The following F9 variants were observed in gnomAD, a reference collection of about 807,000 sequenced individuals.
F9 encodes Christmas factor.
In F9, 2 loss-of-function variants were observed where a neutral mutation model predicts 34.1. The ratio of observed to expected loss-of-function variants is 0.06; its 90% CI spans 0.02 to 0.18. F9 has a LOEUF of 0.18. Ranked by LOEUF, F9 falls within the 10% of genes least tolerant of loss-of-function variation. The pLI is 1.00. For synonymous variants in F9, 137 were observed against 118.8 expected (o/e 1.15, Z -1.00); for missense variants, 216 against 345.1 (o/e 0.63, Z 2.96).
chrX:139,537,185 C>T lies in F9; in HGVS notation c.252+12C>T. ...ACACTGAAAGAACAGTGAGTATTTC[C>T]ACATAATACCCTTCAGATGCAGAGC... is the stretch of plus-strand genomic sequence containing the variant. On this transcript the variant is annotated intron_variant, in intron 2 of 7. Transcript: ENST00000218099. The T allele has an allele frequency of 8.3e-7, 1 of 1,204,920 alleles. No homozygotes were observed. The highest frequency in any genetic ancestry group is 1.1e-6 in the Non-Finnish European group (1 of 889,800).
chrX:139,535,574 A>G (rs376165), intron 1 of F9, among the ~76,000 whole-genome samples: 43,088 of 109,515 alleles, frequency 0.39, 6,694 homozygotes, highest in African/African-American at 0.54. Context: ...TTTGGAGTTA[A>G]TCAGGAAGTA....
intron 1 of F9, among the ~76,000 whole-genome samples, chrX:139,532,590 C>T (rs1927367722): frequency 9.0e-6 from 1 of 110,835 alleles, no homozygotes; most frequent in South Asian, 3.8e-4. Flanking sequence ...CAGCATGAGG[C>T]CAGGTGAGAG....
rs1603267412 is a variant in F9, at chrX:139,561,859, A to G, written c.1174A>G (p.Asn392Asp). Residue 392 changes from asparagine to aspartate, a missense_variant, in exon 8 of 8, where the codon AAC (asparagine) becomes GAC (aspartate). Physicochemically the swap from Asn to Asp is conservative, Grantham distance 23 (BLOSUM62 1). Coordinates refer to ENST00000218099, the MANE Select transcript of F9 (RefSeq NM_000133.4). ...TCGATCTACAAAGTTCACCATCTATAACAACATGTTCTGTGCTGGCTTCCA... is the reference window on the plus strand; with the variant it reads ...TCGATCTACAAAGTTCACCATCTATGACAACATGTTCTGTGCTGGCTTCCA... ...CLRSTKFTIYNNMFCAGFHEG... is the reference protein window; with the variant it reads ...CLRSTKFTIYDNMFCAGFHEG... 3.3e-6 allele frequency: 4 copies of G among 1,211,771 alleles called. No individual in the cohort carries two copies. The highest frequency in any genetic ancestry group is 4.5e-6 in the Non-Finnish European group (4 of 895,490).
chrX:139,536,486 G>A (rs1303763942), intron 1 of F9, among the ~76,000 whole-genome samples: 2 of 111,117 alleles, frequency 1.8e-5, no homozygotes, highest in Non-Finnish European at 3.8e-5. Flanking sequence ...CAAAGGTGCT[G>A]TTGATCTGAA....
intron 4 of F9, among the ~76,000 whole-genome samples, chrX:139,542,169 G>A (rs977098393): frequency 8.0e-5 from 9 of 111,909 alleles, no homozygotes; most frequent in Admixed American, 1.9e-4. Context: ...AGCTACACTC[G>A]TCCTATTGAG....
intron 1 of F9, among the ~76,000 whole-genome samples, chrX:139,536,628 C>G (rs1259280862): frequency 9.0e-6 from 1 of 111,678 alleles, no homozygotes; most frequent in Admixed American, 9.5e-5. Flanking sequence ...TTTGGGCAAC[C>G]ATATTCTGAA....
Position 139,560,836 on chromosome X carries a change from T to C in F9, c.819T>C (p.Val273=), listed in dbSNP as rs1800455. The C allele has an allele frequency of 1.6e-3, 1,925 of 1,198,637 alleles. 2 individuals carry two copies. Among genetic ancestry groups the C allele is most frequent in the Middle Eastern group, 2.1e-3 (9 of 4,319 alleles). The change falls in exon 7 of 8, where the codon GTT becomes GTC. Residue 273 remains valine, a synonymous_variant. Coordinates refer to ENST00000218099, the MANE Select transcript of F9 (RefSeq NM_000133.4). ...CTGCCCACTGTGTTGAAACTGGTGT[T>C]AAAATTACAGTTGTCGCAGGTAAAT... ...VTAAHCVETG[V]KITVVAGEHN... is the part of the protein sequence containing the mutation.
rs10549383 is a variant in F9 at position 139,548,590 on chromosome X, CTT to C, written c.520+102_520+103del. On this transcript the variant is annotated intron_variant, in intron 5 of 7. Coordinates refer to ENST00000218099, the MANE Select transcript of F9 (RefSeq NM_000133.4). ...TTTAATTCCTACTTGAATCTGCTTCCTTTTGAAATCATAGAAAATATCAGTAG... is the reference window on the plus strand; with the variant it reads ...TTTAATTCCTACTTGAATCTGCTTCCTTGAAATCATAGAAAATATCAGTAG... The C allele has an allele frequency of 2.0e-3, 1,837 of 897,473 alleles. 21 individuals carry two copies. In the African/African-American group the frequency reaches 0.032, roughly 16 times the overall value. The allele number at this position is 897,473 out of a possible 1,213,427, so 74.0% of individuals were successfully genotyped here.
At chrX:139,549,850 A>AAC (rs1366946810) in intron 5 of F9, among the ~76,000 whole-genome samples, 1 of 112,164 alleles carries the variant, frequency 8.9e-6, no homozygotes, top group Non-Finnish European at 1.9e-5. Context: ...AGAAGCTAGG[A>AAC]ATATATATCC....
intron 4 of F9, among the ~76,000 whole-genome samples, chrX:139,546,810 A>C (rs1460193327): frequency 2.7e-5 from 3 of 111,916 alleles, no homozygotes; most frequent in African/African-American, 9.7e-5. Flanking sequence ...AATTAAGGAA[A>C]ACCTAAATAA....
intron 3 of F9, among the ~76,000 whole-genome samples, chrX:139,540,800 C>T (rs753407588): frequency 1.3e-4 from 15 of 112,009 alleles, no homozygotes; most frequent in Admixed American, 1.2e-3. Flanking sequence ...TATACAAAAA[C>T]GTCCTTCTCC....
chrX:139,542,251 T>C (rs921143546), intron 4 of F9, among the ~76,000 whole-genome samples: 1 of 111,953 alleles, frequency 8.9e-6, no homozygotes, highest in Non-Finnish European at 1.9e-5. Flanking sequence ...ACCATCTTCC[T>C]TTAGTCTCGA....
At chrX:139,549,673 G>A (rs944691535) in intron 5 of F9, among the ~76,000 whole-genome samples, 5 of 112,160 alleles carry the variant, frequency 4.5e-5, no homozygotes, top group Non-Finnish European at 7.5e-5. Context: ...GCAGTTTTCC[G>A]CCCTGGGTGG....
rs779751981 is a variant in F9, at chrX:139,561,608, C to T, written c.923C>T (p.Ala308Val). 8.3e-7 allele frequency: 1 copy of T among 1,209,473 alleles called. No homozygotes were observed. The highest frequency in any genetic ancestry group is 1.1e-6 in the Non-Finnish European group (1 of 893,776). Residue 308 changes from alanine to valine, a missense_variant, in exon 8 of 8, where the codon GCT (alanine) becomes GTT (valine). Ala to Val is a moderately conservative substitution (Grantham distance 64). Transcript: ENST00000218099. ...RIIPHHNYNA[A>V]INKYNHDIAL... ...ATTCCTCACCACAACTACAATGCAG[C>T]TATTAATAAGTACAACCATGACATT... is the stretch of plus-strand genomic sequence containing the variant.
In F9 at chrX:139,563,038, C is replaced by G. The variant is rs1436594125; in HGVS notation, c.*967C>G. The G allele has an allele frequency of 9.4e-6, 1 of 106,470 alleles. No homozygotes were observed. Among genetic ancestry groups the G allele is most frequent in the African/African-American group, 3.4e-5 (1 of 29,246 alleles). 8.8% of individuals were successfully genotyped at this position (106,470 alleles called of 1,213,427 possible). On this transcript the variant is annotated 3_prime_UTR_variant, in exon 8 of 8. Transcript: ENST00000218099. ...AGGCAAGATTGGCATATCATTGTAACTAAAAAAGCTGACATTGACCCAGAC... is the reference window on the plus strand; with the variant it reads ...AGGCAAGATTGGCATATCATTGTAAGTAAAAAAGCTGACATTGACCCAGAC...
chrX:139,561,596 A>G lies in F9; in HGVS notation c.911A>G (p.Asn304Ser), dbSNP rs1406667133. ...RNVIRIIPHHNYNAAINKYNH... is the reference protein window; with the variant it reads ...RNVIRIIPHHSYNAAINKYNH... ...GTGATTCGAATTATTCCTCACCACA[A>G]CTACAATGCAGCTATTAATAAGTAC... Residue 304 changes from asparagine to serine, a missense_variant, in exon 8 of 8, where the codon AAC becomes AGC. Physicochemically the swap from Asn to Ser is conservative, Grantham distance 46. Coordinates refer to ENST00000218099, the MANE Select transcript of F9 (RefSeq NM_000133.4). 1 of 1,208,635 alleles carries G rather than the reference A, an allele frequency of 8.3e-7. No individual in the cohort carries two copies. Among genetic ancestry groups the G allele is most frequent in the Non-Finnish European group, 1.1e-6 (1 of 893,084 alleles).
At chrX:139,538,557 T>C (rs1170105477) in intron 3 of F9, among the ~76,000 whole-genome samples, 1 of 111,843 alleles carries the variant, frequency 8.9e-6, no homozygotes, top group African/African-American at 3.3e-5. Flanking sequence ...CACTTTTGTT[T>C]TTAAATCATG....
intron 1 of F9, among the ~76,000 whole-genome samples, chrX:139,535,389 G>A (rs1381934693): frequency 9.0e-6 from 1 of 110,817 alleles, no homozygotes; most frequent in East Asian, 2.9e-4. Flanking sequence ...AAAAGTCTAG[G>A]CTAAATTCAA....
intron 1 of F9, among the ~76,000 whole-genome samples, chrX:139,535,227 C>T (rs1226756320): frequency 4.5e-5 from 5 of 110,903 alleles, no homozygotes; most frequent in South Asian, 3.9e-4. Flanking sequence ...GGCATGGTGG[C>T]GGGTGCCTGT....
Sources: gnomAD v4.1 joint callset for allele counts (sites outside exome capture counted in the v4.1 genomes callset) on GRCh38, gnomAD v4.1.1 for gene constraint, MANE v1.5 for transcripts, NCBI Gene and HGNC (gene_info 2026-07-23, HGNC 2026-07-21) for gene names.